PPP4R3A: variants seen among roughly 807,000 people sequenced by gnomAD.
PPP4R3A encodes the protein serine/threonine-protein phosphatase 4 regulatory subunit 3A.
Under a neutral mutation model 91.7 loss-of-function variants are expected in PPP4R3A, and 15 were observed. The ratio of observed to expected loss-of-function variants is 0.16; its 90% CI spans 0.11 to 0.25. The LOEUF is 0.25. PPP4R3A is among the 10% of genes least tolerant of loss of function. The pLI is 1.00. For missense variants in PPP4R3A, 623 were observed against 998.4 expected, an observed-to-expected ratio of 0.62 and a Z score of 5.07; for synonymous variants, 377 against 348.7, an observed-to-expected ratio of 1.08 and a Z score of -0.91.
intron 1 of PPP4R3A, among the ~76,000 whole-genome samples, chr14:91,499,034 G>T (rs946145452): frequency 6.6e-6 from 1 of 151,682 alleles, no homozygotes; most frequent in Admixed American, 6.6e-5. Context: ...ATCTGCCCCC[G>T]CCCTGGCCTC....
chr14:91,485,854 A>T (rs1889845972), intron 2 of PPP4R3A, 124 bp from the exon 3 acceptor site: 1 of 522,686 alleles, frequency 1.9e-6, no homozygotes, highest in East Asian at 3.0e-5. Flanking sequence ...GGCAATTATC[A>T]ATGTCTTTCT....
At chr14:91,461,892 C>T (rs942682909) in intron 13 of PPP4R3A, among the ~76,000 whole-genome samples, 157 bp downstream of exon 13, 3 of 152,136 alleles carry the variant, frequency 2.0e-5, no homozygotes, top group African/African-American at 7.2e-5. Context: ...TTTATGCCTA[C>T]ACAACACTGC....
chr14:91,485,936 CAACTT>C (rs1406327436), intron 2 of PPP4R3A, among the ~76,000 whole-genome samples: 1 of 152,162 alleles, frequency 6.6e-6, no homozygotes, highest in Non-Finnish European at 1.5e-5. Flanking sequence ...TCCTTAAGGA[CAACTT>C]AAACCAATAT....
intron 1 of PPP4R3A, among the ~76,000 whole-genome samples, chr14:91,495,078 G>A (rs981713371): frequency 5.9e-5 from 9 of 151,734 alleles, no homozygotes; most frequent in South Asian, 2.1e-4. Flanking sequence ...TTCCCTTCTC[G>A]GTATATATCC....
intron 9 of PPP4R3A, among the ~76,000 whole-genome samples, chr14:91,472,824 ACAAC>A (rs57949752): frequency 3.3e-5 from 5 of 150,402 alleles, no homozygotes; most frequent in Non-Finnish European, 5.9e-5. Context: ...TTTGATAAAA[ACAAC>A]CAACCAACCA....
At position 91,509,845 on chromosome 14, in the gene PPP4R3A, C is replaced by T; in HGVS notation, c.-198G>A. 4 of 1,161,622 alleles carry T rather than the reference C, an allele frequency of 3.4e-6. No homozygotes were observed. Among genetic ancestry groups the T allele is most frequent in the Non-Finnish European group, 4.2e-6 (4 of 945,590 alleles). 72.0% of individuals were successfully genotyped at this position (1,161,622 alleles called of 1,614,324 possible). On this transcript the variant is annotated 5_prime_UTR_variant, in exon 1 of 15. Coordinates refer to ENST00000554943, the MANE Select transcript of PPP4R3A (RefSeq NM_001366432.2). Reference sequence around the variant, plus strand: ...ACCGAGCTCTGGGCCGCCGCCTTTCCTCGCCTCCGGCTCCCCGGCGCTATT... The same window carrying T: ...ACCGAGCTCTGGGCCGCCGCCTTTCTTCGCCTCCGGCTCCCCGGCGCTATT...
intron 7 of PPP4R3A, chr14:91,475,456 T>C: frequency 4.8e-6 from 1 of 206,526 alleles, no homozygotes; most frequent in Non-Finnish European, 9.9e-6. Context: ...TTTGAGAATC[T>C]ACCCTAAAGT....
chr14:91,504,345 A>G (rs936327754), intron 1 of PPP4R3A, among the ~76,000 whole-genome samples: 3 of 151,026 alleles, frequency 2.0e-5, no homozygotes, highest in East Asian at 3.9e-4. Flanking sequence ...AAAAAAAGAA[A>G]AGAAAAGAAA....
chr14:91,466,940 A>AACACACACACACACACACACAC lies in PPP4R3A; in HGVS notation c.1661-1543_1661-1522dup, dbSNP rs10525073. 7.8e-3 allele frequency among the ~76,000 whole-genome samples: 1,145 copies of AACACACACACACACACACACAC among 147,562 alleles called. 7 individuals carry two copies. The highest frequency in any genetic ancestry group is 0.014 in the South Asian group (62 of 4,560). On this transcript the variant is annotated intron_variant, in intron 10 of 14. Coordinates refer to ENST00000554943, the MANE Select transcript of PPP4R3A (RefSeq NM_001366432.2). ...TTTGTGGAGACTTGTGTCCTACCAT[A>AACACACACACACACACACACAC]ACACACACACACACACACACACACC...
intron 14 of PPP4R3A, 145 bp downstream of exon 14, chr14:91,461,236 C>G (rs557723932): frequency 1.4e-6 from 1 of 701,590 alleles, no homozygotes; most frequent in East Asian, 2.7e-5. Flanking sequence ...TATATAAGTT[C>G]AAGCGGTGGG....
chr14:91,461,210 GA>G (rs1888132223), intron 14 of PPP4R3A, among the ~76,000 whole-genome samples, 170 bp downstream of exon 14: 1 of 152,048 alleles, frequency 6.6e-6, no homozygotes, highest in South Asian at 2.1e-4. Flanking sequence ...AAAACTTTCA[GA>G]AATTTCTCAA....
rs768029896 is a variant in PPP4R3A, at chr14:91,458,647, T to C, written c.*112A>G. The C allele has an allele frequency of 2.2e-5, 32 of 1,474,380 alleles. No homozygotes were observed. Among genetic ancestry groups the C allele is most frequent in the Non-Finnish European group, 2.8e-5 (30 of 1,054,238 alleles). 91.3% of individuals were successfully genotyped at this position (1,474,380 alleles called of 1,614,324 possible). On this transcript the variant is annotated 3_prime_UTR_variant, in exon 15 of 15. Transcript: ENST00000554943. Reference sequence around the variant, plus strand: ...GCAGAAGTCAAGTGTAAGAGGCTGATCTGTGTCAGTCATTCACAAGAGACC... The same window carrying C: ...GCAGAAGTCAAGTGTAAGAGGCTGACCTGTGTCAGTCATTCACAAGAGACC...
intron 1 of PPP4R3A, 83 bp from the exon 2 acceptor site, chr14:91,490,885 A>T: frequency 1.6e-6 from 1 of 632,592 alleles, no homozygotes; most frequent in Non-Finnish European, 2.4e-6. Flanking sequence ...TATTTCCTTA[A>T]AAAAAATAAT....
chr14:91,462,481 C>T (rs527285118), intron 12 of PPP4R3A, among the ~76,000 whole-genome samples: 1 of 146,738 alleles, frequency 6.8e-6, no homozygotes, highest in African/African-American at 2.5e-5. Flanking sequence ...ACACATGAAG[C>T]CTCACTTCCA....
At chr14:91,483,851 A>T (rs761700775) in intron 3 of PPP4R3A, among the ~76,000 whole-genome samples, 6 of 152,250 alleles carry the variant, frequency 3.9e-5, no homozygotes, top group Non-Finnish European at 2.9e-5. Flanking sequence ...ACTTTATGAT[A>T]TTAAAGACCA....
Position 91,481,954 on chromosome 14 carries a change from C to A in PPP4R3A, c.537G>T (p.Val179=), listed in dbSNP as rs763223562. Residue 179 remains valine, a synonymous_variant, in exon 4 of 15, where the codon GTG becomes GTT. Transcript: ENST00000554943. ...YIKKLLELFH[V]CEDLENIEGL... The stretch of plus-strand genomic sequence containing the variant: ...CTTCAATATTTTCCAAATCTTCACA[C>A]ACATGAAAAAGCTCCAGGAGCTTTT... 14 of 1,613,850 alleles carry A rather than the reference C, an allele frequency of 8.7e-6. No homozygotes were observed. The Admixed American group carries it at 2.2e-4, about 25-fold the overall frequency.
At chr14:91,474,779 T>C (rs1435677685) in intron 7 of PPP4R3A, 1 of 152,090 alleles carries the variant, frequency 6.6e-6, no homozygotes, top group Admixed American at 6.6e-5. Context: ...CATGCCACCA[T>C]ATCTAAGTTT....
chr14:91,461,490 G>A lies in PPP4R3A; in HGVS notation c.2282C>T (p.Ser761Phe). The part of the protein sequence containing the change: ...GTKTNLTSQS[S>F]TTNLPGSPGS... ...CGGAGAACCAGGCAGATTTGTTGTA[G>A]ATGACTGGCTGGTGAGGTTAGTCTT... The change falls in exon 14 of 15, where the codon TCT (serine) becomes TTT (phenylalanine). Residue 761 changes from serine to phenylalanine, a missense_variant. This residue lies in a region of PPP4R3A where 201 missense variants were observed against 229.9 expected (regional missense o/e 0.87). Transcript: ENST00000554943. The A allele has an allele frequency of 6.2e-7, 1 of 1,614,190 alleles. No homozygotes were observed. Among genetic ancestry groups the A allele is most frequent in the Non-Finnish European group, 8.5e-7 (1 of 1,180,036 alleles).
At chr14:91,481,279 A>C (rs1438909192) in intron 4 of PPP4R3A, among the ~76,000 whole-genome samples, 1 of 152,178 alleles carries the variant, frequency 6.6e-6, no homozygotes, top group African/African-American at 2.4e-5. Context: ...TGGAGGTTGC[A>C]GTCGCTGAGA....
Sources: gnomAD v4.1 joint callset for allele counts (sites outside exome capture counted in the v4.1 genomes callset) on GRCh38, gnomAD v4.1.1 for gene constraint, gnomAD v4.1.1 regional missense constraint, MANE v1.5 for transcripts, NCBI Gene and HGNC (gene_info 2026-07-23, HGNC 2026-07-21) for gene names.